IL15: variants seen among roughly 807,000 people sequenced by gnomAD.
IL15 encodes interleukin 15, also known as interleukin-15.
In IL15, 11 loss-of-function variants were observed where a neutral mutation model predicts 19.6. The observed-to-expected ratio is 0.56, with a 90% CI of 0.35 to 0.93. The LOEUF (loss-of-function observed/expected upper bound fraction) is 0.93, where lower values mean the gene tolerates loss of function less well. Ranked by LOEUF, IL15 falls within the 40% of genes least tolerant of loss-of-function variation. The probability of loss-of-function intolerance (pLI) is 0.01; values close to 1 mark genes in which losing one functional copy is unlikely to be tolerated. For synonymous variants in IL15, 58 were observed against 59.6 expected (o/e 0.97, Z 0.12); for missense variants, 197 against 186.5 (o/e 1.06, Z -0.33).
At chr4:141,654,762 C>T (rs997028426) in intron 1 of IL15, among the ~76,000 whole-genome samples, 1 of 152,092 alleles carries the variant, frequency 6.6e-6, no homozygotes, top group African/African-American at 2.4e-5. Flanking sequence ...GGGGCAGACT[C>T]TTGGGGCGAA....
At chr4:141,701,654 G>A (rs1342680253) in intron 2 of IL15, among the ~76,000 whole-genome samples, 1 of 152,160 alleles carries the variant, frequency 6.6e-6, no homozygotes, top group Non-Finnish European at 1.5e-5. Flanking sequence ...TAAGGCAGGT[G>A]GGTACATGTA....
intron 2 of IL15, among the ~76,000 whole-genome samples, chr4:141,674,983 C>T (rs1728292820): frequency 1.3e-5 from 2 of 152,116 alleles, no homozygotes; most frequent in South Asian, 2.1e-4. Flanking sequence ...CCAGGCTGGG[C>T]TCTTAGCTGG....
intron 2 of IL15, among the ~76,000 whole-genome samples, chr4:141,707,430 G>A (rs1020418645): frequency 2.6e-5 from 4 of 152,024 alleles, no homozygotes; most frequent in Non-Finnish European, 4.4e-5. Flanking sequence ...GATTTATTGT[G>A]TTCCTTTGGG....
At chr4:141,658,420 CT>C (rs1275996808) in intron 2 of IL15, among the ~76,000 whole-genome samples, 2 of 152,070 alleles carry the variant, frequency 1.3e-5, no homozygotes, top group Non-Finnish European at 1.5e-5. Context: ...GAATTTTCAG[CT>C]CCACTATAAT....
chr4:141,642,030 ATAATAAC>A (rs1560897925), intron 1 of IL15, among the ~76,000 whole-genome samples: 2 of 152,014 alleles, frequency 1.3e-5, no homozygotes, highest in Non-Finnish European at 2.9e-5. Flanking sequence ...ATAATAATAA[ATAATAAC>A]GTGCTCTTGA....
At chr4:141,671,526 A>C (rs1227455360) in intron 2 of IL15, among the ~76,000 whole-genome samples, 1 of 151,858 alleles carries the variant, frequency 6.6e-6, no homozygotes, top group African/African-American at 2.4e-5. Flanking sequence ...TGACTGAGTG[A>C]TTTTCTCCCT....
At chr4:141,683,436 C>T (rs1416691605) in intron 2 of IL15, among the ~76,000 whole-genome samples, 1 of 149,554 alleles carries the variant, frequency 6.7e-6, no homozygotes, top group African/African-American at 2.5e-5. Flanking sequence ...CCTGGCATGG[C>T]GGTGTGCACC....
intron 2 of IL15, among the ~76,000 whole-genome samples, chr4:141,707,710 T>C (rs576212952): frequency 3.9e-4 from 60 of 152,266 alleles, no homozygotes; most frequent in African/African-American, 1.3e-3. Flanking sequence ...TGTGAGAGCT[T>C]TTGAGGTAGT....
At chr4:141,640,844 G>C (rs1054429006) in intron 1 of IL15, among the ~76,000 whole-genome samples, 1 of 152,140 alleles carries the variant, frequency 6.6e-6, no homozygotes, top group Non-Finnish European at 1.5e-5. Flanking sequence ...GTGCTGACAG[G>C]GTGCAGACAA....
chr4:141,673,929 C>T (rs1481100645), intron 2 of IL15, among the ~76,000 whole-genome samples: 1 of 152,102 alleles, frequency 6.6e-6, no homozygotes, highest in Non-Finnish European at 1.5e-5. Context: ...ATTATTTGGA[C>T]CAGCTAAACA....
At chr4:141,701,418 T>C (rs996092727) in intron 2 of IL15, among the ~76,000 whole-genome samples, 1 of 152,162 alleles carries the variant, frequency 6.6e-6, no homozygotes, top group African/African-American at 2.4e-5. Context: ...AGACGTTGTG[T>C]GTTGGTTTTT....
intron 4 of IL15, 169 bp from the exon 5 acceptor site, chr4:141,721,755 A>T: frequency 1.6e-6 from 1 of 643,062 alleles, no homozygotes; most frequent in East Asian, 2.8e-5. Flanking sequence ...ATTGTACTAT[A>T]TGCTCAATGT....
At chr4:141,674,384 C>G (rs79887045) in intron 2 of IL15, among the ~76,000 whole-genome samples, 1 of 151,944 alleles carries the variant, frequency 6.6e-6, no homozygotes, top group African/African-American at 2.4e-5. Flanking sequence ...AGAAGTAATA[C>G]CCTAACAATT....
At chr4:141,718,838 G>C (rs981936919) in intron 2 of IL15, 1 of 152,076 alleles carries the variant, frequency 6.6e-6, no homozygotes, top group Non-Finnish European at 1.5e-5. Flanking sequence ...TAATGGCATG[G>C]AGTTGAATTT....
At chr4:141,691,498 G>T (rs569885822) in intron 2 of IL15, among the ~76,000 whole-genome samples, 1 of 152,172 alleles carries the variant, frequency 6.6e-6, no homozygotes, top group South Asian at 2.1e-4. Flanking sequence ...CTATGAGCCT[G>T]TAAAATCAAA....
chr4:141,662,741 T>C (rs1223430081), intron 2 of IL15, among the ~76,000 whole-genome samples: 1 of 152,214 alleles, frequency 6.6e-6, no homozygotes, highest in African/African-American at 2.4e-5. Context: ...AGTTTTTATG[T>C]AGCTTTTTCT....
chr4:141,706,622 C>T (rs1729524635), intron 2 of IL15, among the ~76,000 whole-genome samples: 1 of 151,932 alleles, frequency 6.6e-6, no homozygotes, highest in Non-Finnish European at 1.5e-5. Context: ...TGATGAATCC[C>T]GTCAGTGTTT....
At chr4:141,639,279 T>C (rs1418720482) in intron 1 of IL15, among the ~76,000 whole-genome samples, 2 of 152,198 alleles carry the variant, frequency 1.3e-5, no homozygotes, top group Admixed American at 6.5e-5. Context: ...TTGACAGTGA[T>C]AATCCCTACT....
chr4:141,722,087 T>G (rs1231046747), intron 5 of IL15, 79 bp downstream of exon 5: 1 of 1,412,388 alleles, frequency 7.1e-7, no homozygotes, highest in Non-Finnish European at 9.4e-7. Flanking sequence ...CTGTCTGTCT[T>G]AAGGAAACCA....
Sources: allele counts gnomAD v4.1 joint callset (sites outside exome capture counted in the v4.1 genomes callset), GRCh38; gene constraint gnomAD v4.1.1; transcripts MANE v1.5; gene names NCBI Gene and HGNC (gene_info 2026-07-23, HGNC 2026-07-21).